NFE2L1: variants seen among roughly 807,000 people sequenced by gnomAD.
NFE2L1 encodes endoplasmic reticulum membrane sensor NFE2L1.
NFE2L1 carries 18 observed loss-of-function variants against 61.6 expected under a neutral mutation model. The observed-to-expected ratio is 0.29, with a 90% CI of 0.20 to 0.43. The LOEUF (loss-of-function observed/expected upper bound fraction) is 0.43, where lower values mean the gene tolerates loss of function less well. Ranked by LOEUF, NFE2L1 falls within the 20% of genes least tolerant of loss-of-function variation. The probability of loss-of-function intolerance (pLI) is 1.00; values close to 1 mark genes in which losing one functional copy is unlikely to be tolerated. For missense variants in NFE2L1, 827 were observed against 973.5 expected (o/e 0.85, Z 2.00); for synonymous variants, 419 against 402.7 (o/e 1.04, Z -0.48).
chr17:48,050,670 GC>G lies in NFE2L1; in HGVS notation c.-447del. 2.3e-6 allele frequency: 1 copy of G among 436,364 alleles called. No homozygotes were observed. Among genetic ancestry groups the G allele is most frequent in the Non-Finnish European group, 4.0e-6 (1 of 247,190 alleles). The allele number at this position is 436,364 out of a possible 1,614,324, so 27.0% of individuals were successfully genotyped here. ...GGGACACTCTGACCCAAGACGAAAG[GC>G]CTGTAGCTCCAGCCAAAGAAAATAA... is the stretch of plus-strand genomic sequence containing the variant. On this transcript the variant is annotated 5_prime_UTR_variant, in exon 2 of 6. Transcript: ENST00000362042.
intron 2 of NFE2L1, among the ~76,000 whole-genome samples, chr17:48,055,322 T>C (rs369244196): frequency 6.6e-6 from 1 of 152,072 alleles, no homozygotes; most frequent in Admixed American, 6.5e-5. Context: ...GGCAACACTT[T>C]AGGGTTTCTT....
rs1485281937 is a variant in NFE2L1, at chr17:48,059,039, C to T, written c.1717C>T (p.His573Tyr). 6.8e-6 allele frequency: 11 copies of T among 1,613,936 alleles called. No individual in the cohort carries two copies. Among genetic ancestry groups the T allele is most frequent in the Non-Finnish European group, 9.3e-6 (11 of 1,180,026 alleles). Residue 573 changes from histidine (H) to tyrosine (Y), a missense_variant, in exon 6 of 6, where the codon CAC becomes TAC. His to Tyr is a moderately conservative substitution (Grantham distance 83, BLOSUM62 2). This residue lies in a region of NFE2L1 where 667 missense variants were observed against 748.4 expected (regional missense o/e 0.89). Transcript: ENST00000362042. The surrounding 1 kb of genome is among the most constrained non-coding windows in gnomAD (Gnocchi z 6.1). The stretch of plus-strand genomic sequence containing the variant: ...CCTGCCCTACCTGGAGCACGTGGGC[C>T]ACAACCACACATACAACATGGCACC... ...SCLPYLEHVG[H>Y]NHTYNMAPSA...
rs1244691356 is a variant in NFE2L1, at chr17:48,059,343, G to A, written c.2021G>A (p.Arg674His). 1.9e-6 allele frequency: 3 copies of A among 1,614,202 alleles called. No homozygotes were observed. The highest frequency in any genetic ancestry group is 8.5e-7 in the Non-Finnish European group (1 of 1,180,046). Residue 674 changes from arginine to histidine, a missense_variant, in exon 6 of 6, where the codon CGC (arginine) becomes CAC (histidine). By Grantham distance (29) the Arg-to-His change is conservative. Transcript: ENST00000362042. The surrounding 1 kb of genome is among the most constrained non-coding windows in gnomAD (Gnocchi z 6.1). ...NKMAAQNCRK[R>H]KLDTILNLER... ...ATGGCGGCGCAGAACTGCCGCAAGCGCAAGCTGGACACCATCCTGAATCTG... is the reference window on the plus strand; with the variant it reads ...ATGGCGGCGCAGAACTGCCGCAAGCACAAGCTGGACACCATCCTGAATCTG...
At chr17:48,054,540 C>T (rs2037339838) in intron 2 of NFE2L1, 4 of 1,192,952 alleles carry the variant, frequency 3.4e-6, no homozygotes, top group Non-Finnish European at 4.2e-6. Flanking sequence ...CTTTGCGCAG[C>T]CCAGCTGCTG....
rs2037470197 is a variant in NFE2L1 at position 48,058,794 on chromosome 17, G to A, written c.1472G>A (p.Ser491Asn). ...TCGAGCCATAGCCCTTCTTCCCTAAGCAGCTCTGAAGGCAGTTCTTCCTCT... is the reference window on the plus strand; with the variant it reads ...TCGAGCCATAGCCCTTCTTCCCTAAACAGCTCTGAAGGCAGTTCTTCCTCT... ...LDSSHSPSSL[S>N]SSEGSSSSSS... The change falls in exon 6 of 6, where the codon AGC becomes AAC. Residue 491 changes from serine to asparagine, a missense_variant. Ser to Asn is a conservative substitution (Grantham distance 46, BLOSUM62 1). This residue lies in a region of NFE2L1 where 667 missense variants were observed against 748.4 expected (regional missense o/e 0.89). Coordinates refer to ENST00000362042, the MANE Select transcript of NFE2L1 (RefSeq NM_003204.3). The A allele has an allele frequency of 2.5e-6, 4 of 1,614,140 alleles. No homozygotes were observed. Among genetic ancestry groups the A allele is most frequent in the Non-Finnish European group, 2.5e-6 (3 of 1,180,026 alleles).
rs906599081 is a variant in NFE2L1 at position 48,059,825 on chromosome 17, G to A, written c.*184G>A. Reference sequence around the variant, plus strand: ...GGCACTGGCTGGCTCAGCTCCACTCGGGTGGAGTGGAAGTGGCCAGACCAT... The same window carrying A: ...GGCACTGGCTGGCTCAGCTCCACTCAGGTGGAGTGGAAGTGGCCAGACCAT... On this transcript the variant is annotated 3_prime_UTR_variant, in exon 6 of 6. Transcript: ENST00000362042. The surrounding 1 kb of genome is among the most constrained non-coding windows in gnomAD (Gnocchi z 6.1). 4.0e-5 allele frequency: 34 copies of A among 860,370 alleles called. No individual in the cohort carries two copies. Among genetic ancestry groups the A allele is most frequent in the Non-Finnish European group, 5.5e-5 (32 of 586,232 alleles). 53.3% of individuals were successfully genotyped at this position (860,370 alleles called of 1,614,324 possible).
At chr17:48,055,870 C>G (rs1330056262) in intron 2 of NFE2L1, 1 of 159,518 alleles carries the variant, frequency 6.3e-6, no homozygotes, top group Non-Finnish European at 1.4e-5. Flanking sequence ...GTTGGAAATG[C>G]AGGGATTTTC....
In NFE2L1 at chr17:48,058,505, C is replaced by T; in HGVS notation, c.1183C>T (p.Pro395Ser). 1 of 1,612,988 alleles carries T rather than the reference C, an allele frequency of 6.2e-7. No individual in the cohort carries two copies. Among genetic ancestry groups the T allele is most frequent in the Non-Finnish European group, 8.5e-7 (1 of 1,179,334 alleles). ...LPVASSSTLLPLAPSNSTSLN... is the reference protein window; with the variant it reads ...LPVASSSTLLSLAPSNSTSLN... The stretch of plus-strand genomic sequence containing the variant: ...TGTGGCCAGTAGCTCCACGCTGCTC[C>T]CGTTGGCCCCCAGCAATTCTACCAG... Residue 395 changes from proline to serine, a missense_variant, in exon 6 of 6, where the codon CCG (proline) becomes TCG (serine). Coordinates refer to ENST00000362042, the MANE Select transcript of NFE2L1 (RefSeq NM_003204.3).
At chr17:48,053,642 C>T (rs1400246136) in intron 2 of NFE2L1, among the ~76,000 whole-genome samples, 2 of 152,156 alleles carry the variant, frequency 1.3e-5, no homozygotes, top group African/African-American at 2.4e-5. Flanking sequence ...TGACTGTGAC[C>T]AGAGAGAACA....
chr17:48,054,987 C>T (rs1415496456), intron 2 of NFE2L1: 5 of 1,495,538 alleles, frequency 3.3e-6, no homozygotes, highest in Non-Finnish European at 4.4e-6. Flanking sequence ...GGCTTCCCGG[C>T]ACCGGCTGCC....
chr17:48,056,751 A>C (rs1023811452), intron 3 of NFE2L1, among the ~76,000 whole-genome samples, 153 bp downstream of exon 3: 1 of 152,182 alleles, frequency 6.6e-6, no homozygotes, highest in African/African-American at 2.4e-5. Context: ...TGTAAGTCAC[A>C]GTGGCTGAGC....
intron 2 of NFE2L1, among the ~76,000 whole-genome samples, chr17:48,052,601 C>G (rs940918689): frequency 2.0e-5 from 3 of 152,230 alleles, no homozygotes; most frequent in Non-Finnish European, 4.4e-5. Flanking sequence ...TCCTTCCCTG[C>G]TCTGTAGTCT....
At chr17:48,048,903 C>G (rs8065797) in intron 1 of NFE2L1, 24,575 of 152,568 alleles carry the variant, frequency 0.16, 2,693 homozygotes, top group African/African-American at 0.31. Flanking sequence ...GGCTATGGGC[C>G]CTGCACCTAC....
intron 2 of NFE2L1, among the ~76,000 whole-genome samples, chr17:48,053,556 T>C (rs1363652772): frequency 2.0e-5 from 3 of 152,202 alleles, no homozygotes; most frequent in Non-Finnish European, 4.4e-5. Flanking sequence ...TTGTCAGGGA[T>C]AGGATTCCCC....
At chr17:48,050,515 T>C in intron 1 of NFE2L1, 92 bp from the exon 2 acceptor site, 1 of 400,178 alleles carries the variant, frequency 2.5e-6, no homozygotes. Flanking sequence ...TTGAATGTGT[T>C]TTCTACCTTC....
At chr17:48,054,050 G>A (rs1453730565) in intron 2 of NFE2L1, among the ~76,000 whole-genome samples, 1 of 152,182 alleles carries the variant, frequency 6.6e-6, no homozygotes, top group Non-Finnish European at 1.5e-5. Context: ...GTGGGCCTGG[G>A]TGCCCTGGGT....
Position 48,058,497 on chromosome 17 carries a change from C to A in NFE2L1, c.1175C>A (p.Thr392Lys). 1 of 1,613,100 alleles carries A rather than the reference C, an allele frequency of 6.2e-7. No individual in the cohort carries two copies. The highest frequency in any genetic ancestry group is 8.5e-7 in the Non-Finnish European group (1 of 1,179,434). ...VESLPVASSS[T>K]LLPLAPSNST... ...AGCCTGCCTGTGGCCAGTAGCTCCACGCTGCTCCCGTTGGCCCCCAGCAAT... is the reference window on the plus strand; with the variant it reads ...AGCCTGCCTGTGGCCAGTAGCTCCAAGCTGCTCCCGTTGGCCCCCAGCAAT... Residue 392 changes from threonine (T) to lysine (K), a missense_variant, in exon 6 of 6, where the codon ACG (threonine) becomes AAG (lysine). By Grantham distance (78) the Thr-to-Lys change is moderately conservative. Transcript: ENST00000362042.
chr17:48,056,493 G>C lies in NFE2L1; in HGVS notation c.618G>C (p.Glu206Asp), dbSNP rs1320780559. ...HRQKEQDVEK[E>D]LRDGGEQDTW... The stretch of plus-strand genomic sequence containing the variant: ...AGAAGGAGCAGGATGTGGAGAAGGA[G>C]CTGCGAGATGGAGGCGAGCAGGACA... The change falls in exon 3 of 6, where the codon GAG becomes GAC. Residue 206 changes from glutamate (E) to aspartate (D), a missense_variant. By Grantham distance (45) the Glu-to-Asp change is conservative. Around this residue, in one of 3 missense-constraint regions of NFE2L1, gnomAD observed 667 missense variants for 748.4 expected, o/e 0.89. Coordinates refer to ENST00000362042, the MANE Select transcript of NFE2L1 (RefSeq NM_003204.3). 6.2e-7 allele frequency: 1 copy of C among 1,614,106 alleles called. No homozygotes were observed. The highest frequency in any genetic ancestry group is 1.3e-5 in the African/African-American group (1 of 74,936).
Position 48,058,871 on chromosome 17 carries a change from T to A in NFE2L1, c.1549T>A (p.Ser517Thr). The A allele has an allele frequency of 1.2e-6, 2 of 1,613,774 alleles. No homozygotes were observed. Among genetic ancestry groups the A allele is most frequent in the Non-Finnish European group, 1.7e-6 (2 of 1,180,014 alleles). Residue 517 changes from serine (S) to threonine (T), a missense_variant, in exon 6 of 6, where the codon TCC becomes ACC. By Grantham distance (58) the Ser-to-Thr change is moderately conservative (BLOSUM62 1). Around this residue, in one of 3 missense-constraint regions of NFE2L1, gnomAD observed 667 missense variants for 748.4 expected, o/e 0.89. Coordinates refer to ENST00000362042, the MANE Select transcript of NFE2L1 (RefSeq NM_003204.3). ...CTCTGCTTCTTCCTCTGCCTCTTCCTCCTTTTCTGAGGAAGGTGCGGTTGG... is the reference window on the plus strand; with the variant it reads ...CTCTGCTTCTTCCTCTGCCTCTTCCACCTTTTCTGAGGAAGGTGCGGTTGG... ...SSSASSSASS[S>T]FSEEGAVGYS... is the part of the protein sequence containing the mutation.
Sources: allele counts gnomAD v4.1 joint callset (sites outside exome capture counted in the v4.1 genomes callset), GRCh38; gene constraint gnomAD v4.1.1; regional missense constraint gnomAD v4.1.1; non-coding constraint Gnocchi (gnomAD v3.1); transcripts MANE v1.5; gene names NCBI Gene and HGNC (gene_info 2026-07-23, HGNC 2026-07-21).